ZDHHC11: variants seen among roughly 807,000 people sequenced by gnomAD.
The protein encoded by ZDHHC11 is zDHHC palmitoyltransferase 11.
Under a neutral mutation model 51.3 loss-of-function variants are expected in ZDHHC11, and 44 were observed. The observed-to-expected ratio is 0.86, with a 90% CI of 0.67 to 1.10. The LOEUF is 1.10. Among genes scored for constraint, ZDHHC11 ranks in the 50% least tolerant of loss-of-function variants. ZDHHC11 has a pLI of 0.00. For synonymous variants in ZDHHC11, 163 were observed against 222.0 expected, an observed-to-expected ratio of 0.73 and a Z score of 2.36; for missense variants, 400 against 537.7, an observed-to-expected ratio of 0.74 and a Z score of 2.53.
chr5:802,448 T>C (rs1213815515), intron 11 of ZDHHC11, among the ~76,000 whole-genome samples: 1 of 151,218 alleles, frequency 6.6e-6, no homozygotes, highest in African/African-American at 2.4e-5. Flanking sequence ...TGGTGGAGGA[T>C]TGTGAGACAT....
At chr5:801,597 T>G (rs533874563) in intron 11 of ZDHHC11, among the ~76,000 whole-genome samples, 43 of 151,326 alleles carry the variant, frequency 2.8e-4, no homozygotes, top group African/African-American at 1.0e-3. Flanking sequence ...ACCCACATCT[T>G]GAGTACAGGT....
chr5:808,702 T>C (rs1486822376), intron 11 of ZDHHC11, among the ~76,000 whole-genome samples: 2,153 of 111,746 alleles, frequency 0.019, 43 homozygotes, highest in African/African-American at 0.081. Flanking sequence ...ACCTAGCTAA[T>C]TTTTTTTTTT....
intron 6 of ZDHHC11, among the ~76,000 whole-genome samples, chr5:836,120 G>A (rs1376138985): frequency 6.7e-6 from 1 of 150,124 alleles, no homozygotes; most frequent in Non-Finnish European, 1.5e-5. Flanking sequence ...CCTGTGCCCA[G>A]CCTCCAAGAG....
intron 5 of ZDHHC11, 143 bp from the exon 6 acceptor site, chr5:837,623 G>C: frequency 1.1e-6 from 1 of 888,148 alleles, no homozygotes; most frequent in Non-Finnish European, 1.8e-6. Context: ...TGCAGGCCCT[G>C]TGAGGTCAGG....
chr5:854,797 GC>G (rs1446679132), upstream of ZDHHC11, among the ~76,000 whole-genome samples: 4 of 141,746 alleles, frequency 2.8e-5, no homozygotes, highest in African/African-American at 5.3e-5. Flanking sequence ...ACAGTGAGGA[GC>G]GGGGACAGAC....
At chr5:817,671 G>C (rs1156818708) in intron 10 of ZDHHC11, among the ~76,000 whole-genome samples, 2 of 151,296 alleles carry the variant, frequency 1.3e-5, no homozygotes, top group African/African-American at 4.8e-5. Context: ...ATTGTGCACT[G>C]CTTTCTAGGT....
At chr5:803,058 C>T (rs892829900) in intron 11 of ZDHHC11, among the ~76,000 whole-genome samples, 1 of 150,388 alleles carries the variant, frequency 6.6e-6, no homozygotes, top group East Asian at 1.9e-4. Context: ...AGCTGCTGGT[C>T]TTTCGTGAAT....
At chr5:838,087 G>A (rs1304549741) in intron 5 of ZDHHC11, among the ~76,000 whole-genome samples, 2 of 151,796 alleles carry the variant, frequency 1.3e-5, no homozygotes, top group South Asian at 4.2e-4. Context: ...AGGTGAACAC[G>A]AGTGCTGTGA....
Position 801,121 on chromosome 5 carries a change from C to A in ZDHHC11, c.1225G>T (p.Glu409Ter). 6.2e-7 allele frequency: 1 copy of A among 1,610,170 alleles called. No homozygotes were observed. The highest frequency in any genetic ancestry group is 8.5e-7 in the Non-Finnish European group (1 of 1,177,020). The change falls in exon 12 of 13, where the codon GAA becomes TAA. Residue 409 changes from glutamate to a stop codon, truncating the protein, a stop_gained. Transcript: ENST00000283441. LOFTEE classifies it high-confidence loss of function. ...TTACCTGAATCTCAGTCTTCACTTT[C>A]AGCACTGTCAGTTTTCATGGGCTCT... ...TTEPMKTDSA[E>*]SED
At position 823,983 on chromosome 5, in the gene ZDHHC11, C is replaced by A. The variant is rs1369833283; in HGVS notation, c.1023+1181G>T. On this transcript the variant is annotated intron_variant, in intron 8 of 12. Transcript: ENST00000283441. ...CTTTGCTGGAAGTGCAGGCAAGGGG[C>A]AAGGCTTGGACACCAGCGTCGCTGT... 3.6e-5 allele frequency: 16 copies of A among 444,862 alleles called. 1 individual carries two copies. In the Admixed American group the frequency reaches 3.9e-4, roughly 11 times the overall value. 27.6% of individuals were successfully genotyped at this position (444,862 alleles called of 1,614,324 possible). A position where few individuals can be genotyped will look rare whatever the true frequency, so the allele number is the denominator to read the frequency against.
rs771530318 is a variant in ZDHHC11 at position 850,377 on chromosome 5, A to G, written c.222+4T>C. 1.1e-4 allele frequency: 171 copies of G among 1,613,378 alleles called. No individual in the cohort carries two copies. The highest frequency in any genetic ancestry group is 1.4e-4 in the Non-Finnish European group (166 of 1,179,978). On this transcript the variant is annotated splice_donor_region_variant and intron_variant, in intron 1 of 12. Transcript: ENST00000283441. Reference sequence around the variant, plus strand: ...CTTAGACCATGCCACGATGAAAAGGATACCACGTAGGCAATGTATTTCCAC... The same window carrying G: ...CTTAGACCATGCCACGATGAAAAGGGTACCACGTAGGCAATGTATTTCCAC...
In ZDHHC11 at chr5:840,675, G is replaced by A. The variant is rs748927920; in HGVS notation, c.629-25C>T. ...TCTGGGGAGACAAGGGAGAGCCACT[G>A]TGTCCAGCACCTGCTGACGGGTGCC... On this transcript the variant is annotated intron_variant, in intron 4 of 12. Coordinates refer to ENST00000283441, the MANE Select transcript of ZDHHC11 (RefSeq NM_024786.3). 9 of 1,613,158 alleles carry A rather than the reference G, an allele frequency of 5.6e-6. No individual in the cohort carries two copies. In the African/African-American group the frequency reaches 1.1e-4, roughly 19 times the overall value.
chr5:831,376 G>T (rs1040782492), intron 7 of ZDHHC11, among the ~76,000 whole-genome samples: 4 of 149,530 alleles, frequency 2.7e-5, no homozygotes, highest in African/African-American at 9.8e-5. Context: ...TTGAAGTCAA[G>T]AGTTCAAGAC....
Position 808,559 on chromosome 5 carries a change from G to A in ZDHHC11, c.1181+6202C>T, listed in dbSNP as rs1480442611. 6.7e-3 allele frequency among the ~76,000 whole-genome samples: 998 copies of A among 149,196 alleles called. 7 individuals are homozygous for A. Among genetic ancestry groups the A allele is most frequent in the African/African-American group, 0.023 (904 of 40,086 alleles). ...TTTATTTATTTATTTATTTTGAGAC[G>A]TAGTCTCACTCTGTCACCCAGGCTG... On this transcript the variant is annotated intron_variant, in intron 11 of 12. Coordinates refer to ENST00000283441, the MANE Select transcript of ZDHHC11 (RefSeq NM_024786.3).
At chr5:835,479 G>A (rs1256143179) in intron 6 of ZDHHC11, among the ~76,000 whole-genome samples, 1 of 151,728 alleles carries the variant, frequency 6.6e-6, no homozygotes, top group Admixed American at 6.6e-5. Flanking sequence ...AGCGCCACCT[G>A]TCTTTAGTGC....
intron 12 of ZDHHC11, among the ~76,000 whole-genome samples, chr5:800,107 G>C (rs1445535734): frequency 1.4e-4 from 21 of 151,372 alleles, no homozygotes; most frequent in African/African-American, 4.9e-4. Flanking sequence ...CTAGGGTGCT[G>C]GTCAGGGCTG....
chr5:841,532 C>T, intron 4 of ZDHHC11: 1 of 999,474 alleles, frequency 1.0e-6, no homozygotes, highest in Non-Finnish European at 1.2e-6. Context: ...GTCACGGTGC[C>T]CACCCCTTCC....
intron 4 of ZDHHC11, chr5:841,552 G>A (rs1561285251): frequency 7.0e-6 from 7 of 1,000,934 alleles, no homozygotes; most frequent in Non-Finnish European, 8.3e-6. Flanking sequence ...CTAAGTGCCG[G>A]GGTCACAGAG....
chr5:833,169 C>T (rs1418590637), intron 7 of ZDHHC11, among the ~76,000 whole-genome samples: 2 of 152,286 alleles, frequency 1.3e-5, no homozygotes, highest in Non-Finnish European at 2.9e-5. Flanking sequence ...GTGAACTGCT[C>T]CACCCTTTTG....
Sources: gnomAD v4.1 joint callset for allele counts (sites outside exome capture counted in the v4.1 genomes callset) on GRCh38, gnomAD v4.1.1 for gene constraint, MANE v1.5 for transcripts, NCBI Gene and HGNC (gene_info 2026-07-23, HGNC 2026-07-21) for gene names.